The following POLR1C variants were observed in gnomAD, a reference collection of about 807,000 sequenced individuals.
POLR1C encodes the protein RNA polymerase I and III subunit C, also known as DNA-directed RNA polymerases I and III subunit RPAC1.
In POLR1C, 42 loss-of-function variants were observed where a neutral mutation model predicts 38.3. That is an observed-to-expected ratio of 1.10 (90% CI 0.86 to 1.42). POLR1C has a LOEUF of 1.42. Ranked by LOEUF, POLR1C falls within the 40% of genes most tolerant of loss-of-function variation. POLR1C has a pLI of 0.00. For synonymous variants in POLR1C, 163 were observed against 163.9 expected (o/e 0.99, Z 0.04); for missense variants, 507 against 450.5 (o/e 1.13, Z -1.14).
rs775302371 is a variant in POLR1C, at chr6:43,519,352, T to C, written c.161T>C (p.Val54Ala). The C allele has an allele frequency of 5.0e-6, 8 of 1,611,984 alleles. No individual in the cohort carries two copies. The highest frequency in any genetic ancestry group is 6.8e-6 in the Non-Finnish European group (8 of 1,178,120). Residue 54 changes from valine to alanine, a missense_variant, in exon 3 of 9, where the codon GTA becomes GCA. Transcript: ENST00000642195. ...RFEKNFRVDV[V>A]HMDENSLEFD... is the part of the protein sequence containing the mutation. ...CTCTAGAATTTCCGTGTGGATGTAGTACACATGGATGAAAACTCACTGGAG... is the reference window on the plus strand; with the variant it reads ...CTCTAGAATTTCCGTGTGGATGTAGCACACATGGATGAAAACTCACTGGAG...
chr6:43,525,036 TG>T (rs1420544082), downstream of POLR1C: 40 of 1,587,264 alleles, frequency 2.5e-5, no homozygotes, highest in Non-Finnish European at 3.3e-5. Context: ...CCAGTTCTTC[TG>T]AATGATTTAG....
At chr6:43,528,067 C>T (rs1793713020) in intron 8 of POLR1C, 1 of 1,312,566 alleles carries the variant, frequency 7.6e-7, no homozygotes, top group Non-Finnish European at 1.1e-6. Flanking sequence ...CTCTTCTACC[C>T]TGGGACAGCA....
chr6:43,543,896 C>T (rs1794836987), intron 9 of POLR1C, among the ~76,000 whole-genome samples: 1 of 152,060 alleles, frequency 6.6e-6, no homozygotes, highest in Non-Finnish European at 1.5e-5. Flanking sequence ...GGGCTAGTCT[C>T]GAACTGTTGA....
intron 9 of POLR1C, among the ~76,000 whole-genome samples, chr6:43,534,641 G>A (rs1202910299): frequency 1.3e-5 from 2 of 152,118 alleles, no homozygotes; most frequent in Non-Finnish European, 2.9e-5. Flanking sequence ...CGTTTAAGAT[G>A]CAAACTGAAA....
chr6:43,539,129 A>T (rs1794532180), intron 9 of POLR1C: 1 of 1,194,804 alleles, frequency 8.4e-7, no homozygotes, highest in Non-Finnish European at 1.2e-6. Flanking sequence ...GAGGCGCACC[A>T]GCACAGAGCC....
chr6:43,545,537 T>C (rs1794921768), intron 9 of POLR1C, among the ~76,000 whole-genome samples: 1 of 152,010 alleles, frequency 6.6e-6, no homozygotes, highest in Non-Finnish European at 1.5e-5. Flanking sequence ...CGAAGCCCTG[T>C]CTCTACTAAA....
chr6:43,533,372 G>A (rs746661512), downstream of POLR1C: 1 of 152,808 alleles, frequency 6.5e-6, no homozygotes, highest in Non-Finnish European at 1.5e-5. Flanking sequence ...TGAAGAAGGG[G>A]TTAACGGGGA....
At chr6:43,553,737 T>C in intron 10 of POLR1C, 1 of 774,714 alleles carries the variant, frequency 1.3e-6, no homozygotes, top group Non-Finnish European at 1.8e-6. Context: ...CCTCTAACAA[T>C]GAGCGGTCTG....
chr6:43,530,423 A>C (rs1793894692), downstream of POLR1C, among the ~76,000 whole-genome samples: 1 of 136,230 alleles, frequency 7.3e-6, no homozygotes, highest in African/African-American at 3.1e-5. Context: ...AGACTGTCTC[A>C]AAAAAAAAAA....
intron 9 of POLR1C, among the ~76,000 whole-genome samples, chr6:43,550,493 T>G (rs975382546): frequency 5.3e-5 from 8 of 152,204 alleles, no homozygotes; most frequent in Non-Finnish European, 7.3e-5. Context: ...TTCTCATTTT[T>G]TTCTCCACTC....
At chr6:43,547,899 TAACAATTTAAGAATTAAACAAG>T (rs1795039033) in intron 9 of POLR1C, among the ~76,000 whole-genome samples, 1 of 152,198 alleles carries the variant, frequency 6.6e-6, no homozygotes, top group South Asian at 2.1e-4. Context: ...ATATTATTAG[TAACAATTTAAGAATTAAACAAG>T]AATATAATCT....
intron 3 of POLR1C, 22 bp from the exon 4 acceptor site, chr6:43,519,684 G>A (rs1399013100): frequency 1.2e-6 from 2 of 1,614,208 alleles, no homozygotes; most frequent in Non-Finnish European, 1.7e-6. Context: ...TTGCAGATAA[G>A]TGGTTATTTT....
chr6:43,559,929 C>A (rs1431556576), intron 10 of POLR1C, among the ~76,000 whole-genome samples: 2 of 152,146 alleles, frequency 1.3e-5, no homozygotes, highest in Admixed American at 6.6e-5. Context: ...GATCCTCCCA[C>A]CTTAAGCCTC....
chr6:43,528,258 C>T, intron 8 of POLR1C: 2 of 1,522,756 alleles, frequency 1.3e-6, no homozygotes, highest in Non-Finnish European at 8.9e-7. Flanking sequence ...GATTGGAACA[C>T]ATAATATCTA....
At chr6:43,524,069 G>C (rs972330956), downstream of POLR1C, 2 of 1,573,436 alleles carry the variant, frequency 1.3e-6, no homozygotes, top group Non-Finnish European at 1.7e-6. Context: ...AGATTCTCTT[G>C]GCCCGGCGCA....
At position 43,520,802 on chromosome 6, in the gene POLR1C, T is replaced by C. The variant is rs563511563; in HGVS notation, c.805+28T>C. The C allele has an allele frequency of 2.5e-6, 4 of 1,613,116 alleles. No homozygotes were observed. The South Asian group carries it at 3.3e-5, about 13-fold the overall frequency. On this transcript the variant is annotated intron_variant, in intron 7 of 8. Coordinates refer to ENST00000642195, the MANE Select transcript of POLR1C (RefSeq NM_203290.4). ...ATGGTATTTGGGATGCTGTTCAAGT[T>C]AGGACCTAAATTATATTTTCTTTCA... is the stretch of plus-strand genomic sequence containing the variant.
chr6:43,549,894 T>C, intron 9 of POLR1C: 1 of 1,610,520 alleles, frequency 6.2e-7, no homozygotes, highest in Non-Finnish European at 8.5e-7. Context: ...TGGTCTTACC[T>C]TACTTTCTTC....
exon 11 of POLR1C, chr6:43,562,389 G>C (rs375781705): frequency 7.2e-5 from 102 of 1,418,142 alleles, no homozygotes; most frequent in Non-Finnish European, 9.3e-5. Context: ...AAATTAAAAA[G>C]GCTGTAATAA....
chr6:43,558,577 A>G lies in POLR1C; in HGVS notation c.*49-2823A>G, dbSNP rs781374095. On this transcript the variant is annotated intron_variant, in intron 10 of 10. Transcript: ENST00000607635. ...ATTCACAGCTAGGGCTGTCTGTTTT[A>G]GAAGGAAAGCCCATCTGGAAAAAGA... The G allele has an allele frequency of 4.4e-6, 7 of 1,593,380 alleles. No individual in the cohort carries two copies. The East Asian group carries it at 9.0e-5, about 21-fold the overall frequency.
Sources: gnomAD v4.1 joint callset for allele counts (sites outside exome capture counted in the v4.1 genomes callset) on GRCh38, gnomAD v4.1.1 for gene constraint, MANE v1.5 for transcripts, NCBI Gene and HGNC (gene_info 2026-07-23, HGNC 2026-07-21) for gene names.